CEPT1: variants seen among roughly 807,000 people sequenced by gnomAD.
The protein encoded by CEPT1 is choline/ethanolamine phosphotransferase 1, also known as choline/ethanolaminephosphotransferase 1.
In CEPT1, 7 loss-of-function variants were observed where a neutral mutation model predicts 42.6. The observed-to-expected ratio is 0.16, with a 90% confidence interval of 0.09 to 0.31. The LOEUF (loss-of-function observed/expected upper bound fraction) is 0.31. Ranked by LOEUF, CEPT1 falls within the 10% of genes least tolerant of loss-of-function variation. The pLI is 1.00. For synonymous variants in CEPT1, 171 were observed against 171.9 expected, an observed-to-expected ratio of 0.99 and a Z score of 0.04; for missense variants, 306 against 502.1, an observed-to-expected ratio of 0.61 and a Z score of 3.73.
chr1:111,168,159 C>CCACT (rs1184285238), intron 4 of CEPT1, among the ~76,000 whole-genome samples: 2 of 152,118 alleles, frequency 1.3e-5, no homozygotes, highest in African/African-American at 2.4e-5. Flanking sequence ...CAGGCATGAG[C>CCACT]CACTGCATTC....
In CEPT1 at chr1:111,147,788, T is replaced by A. The variant is rs1228321646; in HGVS notation, c.74T>A (p.Met25Lys). 1 of 1,613,976 alleles carries A rather than the reference T, an allele frequency of 6.2e-7. No individual in the cohort carries two copies. The highest frequency in any genetic ancestry group is 8.5e-7 in the Non-Finnish European group (1 of 1,180,014). Residue 25 changes from methionine (M) to lysine (K), a missense_variant, in exon 2 of 9, where the codon ATG becomes AAG. By Grantham distance (95) the Met-to-Lys change is moderately conservative. Coordinates refer to ENST00000357172, the MANE Select transcript of CEPT1 (RefSeq NM_006090.5). ...HPESPVGFGH[M>K]STTGCVLNKL... ...GAGTCCCCAGTGGGCTTCGGGCATA[T>A]GAGTACTACAGGATGTGTATTAAAT...
chr1:111,150,486 A>T (rs1387717678), intron 2 of CEPT1, among the ~76,000 whole-genome samples: 3 of 152,014 alleles, frequency 2.0e-5, no homozygotes, highest in Non-Finnish European at 4.4e-5. Context: ...CTTTATCATC[A>T]TGTTGGAGTC....
At chr1:111,177,047 A>G (rs1410662935) in intron 5 of CEPT1, among the ~76,000 whole-genome samples, 1 of 152,260 alleles carries the variant, frequency 6.6e-6, no homozygotes, top group Non-Finnish European at 1.5e-5. Flanking sequence ...CCAAAAAAGT[A>G]TCTGCAGTCC....
intron 4 of CEPT1, among the ~76,000 whole-genome samples, chr1:111,169,738 TTAA>T (rs1656328685): frequency 6.6e-6 from 1 of 152,230 alleles, no homozygotes; most frequent in African/African-American, 2.4e-5. Context: ...AGAATTGTCC[TTAA>T]TAATTTGTTT....
At chr1:111,172,449 C>G (rs1656467528) in intron 4 of CEPT1, among the ~76,000 whole-genome samples, 2 of 152,116 alleles carry the variant, frequency 1.3e-5, no homozygotes, top group Admixed American at 6.5e-5. Context: ...ATTCTGTCCT[C>G]TAAATAACTG....
intron 4 of CEPT1, chr1:111,173,235 C>T (rs1222348416): frequency 6.6e-6 from 1 of 152,180 alleles, no homozygotes; most frequent in East Asian, 1.9e-4. Flanking sequence ...TGTAATTCCC[C>T]TTATTGGCAA....
chr1:111,145,813 A>G (rs1012016315), intron 1 of CEPT1, among the ~76,000 whole-genome samples: 2 of 152,196 alleles, frequency 1.3e-5, no homozygotes, highest in African/African-American at 4.8e-5. Flanking sequence ...GCTTCACTGC[A>G]TTCCAGCGCT....
intron 2 of CEPT1, among the ~76,000 whole-genome samples, chr1:111,157,852 C>A (rs1203572191): frequency 6.6e-6 from 1 of 152,156 alleles, no homozygotes; most frequent in Non-Finnish European, 1.5e-5. Flanking sequence ...ACAGAATATA[C>A]TGAATGTTAT....
At chr1:111,145,144 T>G (rs1282963400) in intron 1 of CEPT1, among the ~76,000 whole-genome samples, 1 of 152,094 alleles carries the variant, frequency 6.6e-6, no homozygotes, top group African/African-American at 2.4e-5. Context: ...GCCTCCTCAG[T>G]AGCTGGGATT....
At position 111,144,853 on chromosome 1, in the gene CEPT1, T is replaced by C. The variant is rs141761394; in HGVS notation, c.-73-2789T>C. Among the ~76,000 whole-genome samples the C allele has an allele frequency of 3.7e-3, 559 of 152,324 alleles. 5 individuals carry two copies. Among genetic ancestry groups the C allele is most frequent in the African/African-American group, 0.013 (529 of 41,568 alleles). On this transcript the variant is annotated intron_variant, in intron 1 of 8. Transcript: ENST00000357172. ...ATGAAGCTAAGTGTATTCGTGGTTA[T>C]TGGTCTCTCATTTGATCTAAAGTGA...
chr1:111,153,703 T>C lies in CEPT1; in HGVS notation c.339+5650T>C, dbSNP rs147274979. ...TCTGCATGTGGATATTCAATTTTCC[T>C]AGCACCATTTATTTATCCTTTCCCC... On this transcript the variant is annotated intron_variant, in intron 2 of 8. Transcript: ENST00000357172. Among the ~76,000 whole-genome samples the C allele has an allele frequency of 5.9e-5, 9 of 152,332 alleles. No individual in the cohort carries two copies. The East Asian group carries it at 1.7e-3, about 29-fold the overall frequency.
rs1169254457 is a variant in CEPT1, at chr1:111,161,316, A to T, written c.629+20A>T. The T allele has an allele frequency of 6.3e-7, 1 of 1,580,522 alleles. No individual in the cohort carries two copies. The highest frequency in any genetic ancestry group is 1.9e-5 in the Admixed American group (1 of 52,860). On this transcript the variant is annotated intron_variant, in intron 4 of 8. Coordinates refer to ENST00000357172, the MANE Select transcript of CEPT1 (RefSeq NM_006090.5). ...TGGAATGTAAGTAATACTTAATGGT[A>T]ATTTTTGTTTTCTCTTTCACATATG...
chr1:111,171,190 C>T (rs1263657499), intron 4 of CEPT1, among the ~76,000 whole-genome samples: 1 of 152,184 alleles, frequency 6.6e-6, no homozygotes, highest in Admixed American at 6.5e-5. Context: ...TCTCTGAACA[C>T]TGATAAACAA....
chr1:111,157,976 G>A (rs1160114185), intron 2 of CEPT1, among the ~76,000 whole-genome samples: 1 of 152,128 alleles, frequency 6.6e-6, no homozygotes, highest in East Asian at 1.9e-4. Context: ...ATAATGAAAA[G>A]TGATACAATA....
At chr1:111,183,846 A>C (rs1202407694) in intron 8 of CEPT1, among the ~76,000 whole-genome samples, 3 of 152,192 alleles carry the variant, frequency 2.0e-5, no homozygotes, top group Non-Finnish European at 4.4e-5. Flanking sequence ...GAAAAGCATG[A>C]ATCAGCATAC....
At chr1:111,183,271 A>C (rs192730432) in intron 7 of CEPT1, among the ~76,000 whole-genome samples, 191 bp from the exon 8 acceptor site, 6 of 152,282 alleles carry the variant, frequency 3.9e-5, no homozygotes, top group African/African-American at 1.4e-4. Flanking sequence ...CATCTTTTGT[A>C]GGGTTAGTTG....
At chr1:111,152,465 T>G (rs138014584) in intron 2 of CEPT1, among the ~76,000 whole-genome samples, 351 of 152,312 alleles carry the variant, frequency 2.3e-3, no homozygotes, top group Admixed American at 3.8e-3. Context: ...AGTTTAACAG[T>G]ATTTTTGTCT....
chr1:111,172,345 G>A (rs1478169101), intron 4 of CEPT1, among the ~76,000 whole-genome samples: 3 of 151,774 alleles, frequency 2.0e-5, no homozygotes, highest in Non-Finnish European at 1.5e-5. Flanking sequence ...CAACACTTGG[G>A]AATATTACCA....
At chr1:111,152,342 TAC>T (rs1655324923) in intron 2 of CEPT1, among the ~76,000 whole-genome samples, 2 of 151,950 alleles carry the variant, frequency 1.3e-5, no homozygotes, top group South Asian at 2.1e-4. Context: ...GGAAAAAAAT[TAC>T]AGAGTTAAAA....
Sources: allele counts gnomAD v4.1 joint callset (sites outside exome capture counted in the v4.1 genomes callset), GRCh38; gene constraint gnomAD v4.1.1; transcripts MANE v1.5; gene names NCBI Gene and HGNC (gene_info 2026-07-23, HGNC 2026-07-21).